The following ZDHHC15 variants were observed in gnomAD, a reference collection of about 807,000 sequenced individuals.
ZDHHC15 encodes the protein zDHHC palmitoyltransferase 15.
Under a neutral mutation model 31.7 loss-of-function variants are expected in ZDHHC15, and 19 were observed. The ratio of observed to expected loss-of-function variants is 0.60; its 90% confidence interval spans 0.42 to 0.88. The LOEUF is 0.88. Ranked by LOEUF, ZDHHC15 falls within the 40% of genes least tolerant of loss-of-function variation. ZDHHC15 has a pLI of 0.00. For synonymous variants in ZDHHC15, 103 were observed against 90.0 expected, an observed-to-expected ratio of 1.14 and a Z score of -0.82; for missense variants, 209 against 251.2, an observed-to-expected ratio of 0.83 and a Z score of 1.14.
chrX:75,516,476 G>A (rs1200299229), intron 1 of ZDHHC15, among the ~76,000 whole-genome samples: 1 of 112,437 alleles, frequency 8.9e-6, no homozygotes, highest in East Asian at 2.8e-4. Context: ...ACAAAAACAA[G>A]AAATGGGGAA....
chrX:75,388,094 G>T (rs2083199088), intron 10 of ZDHHC15, among the ~76,000 whole-genome samples: 1 of 112,264 alleles, frequency 8.9e-6, no homozygotes. Flanking sequence ...ATCCAGCAAA[G>T]TTATCCTTCA....
intron 10 of ZDHHC15, among the ~76,000 whole-genome samples, chrX:75,412,336 G>T (rs1356420110): frequency 2.7e-5 from 3 of 111,778 alleles, no homozygotes; most frequent in Non-Finnish European, 5.6e-5. Flanking sequence ...GTTTACCACA[G>T]AATTATTCAC....
intron 2 of ZDHHC15, among the ~76,000 whole-genome samples, chrX:75,482,065 T>C (rs2084696613): frequency 9.0e-6 from 1 of 111,393 alleles, no homozygotes; most frequent in South Asian, 3.8e-4. Context: ...AAGATCTCAT[T>C]CTTCATGACA....
At chrX:75,470,025 G>A (rs957041465) in intron 3 of ZDHHC15, among the ~76,000 whole-genome samples, 1 of 111,297 alleles carries the variant, frequency 9.0e-6, no homozygotes, top group African/African-American at 3.3e-5. Flanking sequence ...CTTTGTGATG[G>A]TTAATATTGA....
intron 4 of ZDHHC15, among the ~76,000 whole-genome samples, chrX:75,443,382 T>A (rs1232718362): frequency 8.9e-6 from 1 of 111,933 alleles, no homozygotes; most frequent in Non-Finnish European, 1.9e-5. Flanking sequence ...ATTCCCTATT[T>A]AACAAACGGT....
At chrX:75,477,985 C>A (rs1003324330) in intron 3 of ZDHHC15, among the ~76,000 whole-genome samples, 16 of 110,944 alleles carry the variant, frequency 1.4e-4, no homozygotes, top group African/African-American at 5.2e-4. Context: ...TTCTTGTGCA[C>A]CATTTTGGCT....
intron 3 of ZDHHC15, among the ~76,000 whole-genome samples, chrX:75,460,739 AAAC>A (rs773132561): frequency 5.4e-5 from 6 of 111,796 alleles, no homozygotes; most frequent in African/African-American, 2.0e-4. Context: ...AACAAACAGA[AAAC>A]AACAACATCA....
At chrX:75,495,553 T>C (rs1330799890) in intron 2 of ZDHHC15, among the ~76,000 whole-genome samples, 4 of 110,507 alleles carry the variant, frequency 3.6e-5, no homozygotes, top group African/African-American at 1.3e-4. Flanking sequence ...AATGATAGAC[T>C]GGATTAAGAA....
In ZDHHC15 at chrX:75,419,771, A is replaced by T. The variant is rs774579216; in HGVS notation, c.863+2093T>A. ...ACACCATGGAATACTATGCAGTCAT[A>T]AAAAATGATGAGTTCATGTCCTTTG... On this transcript the variant is annotated intron_variant, in intron 9 of 11. Transcript: ENST00000373367. Among the ~76,000 whole-genome samples, 31 of 109,183 alleles carry T rather than the reference A, an allele frequency of 2.8e-4. No individual in the cohort carries two copies. The East Asian group carries it at 8.3e-3, about 29-fold the overall frequency. 94.8% of individuals were successfully genotyped at this position (109,183 alleles called of 115,157 possible).
chrX:75,414,931 A>AT (rs375625108), intron 10 of ZDHHC15, among the ~76,000 whole-genome samples: 1,479 of 95,076 alleles, frequency 0.016, 23 homozygotes, highest in East Asian at 0.038. Flanking sequence ...ATACCTGGCT[A>AT]TTTTTTTTTT....
At chrX:75,504,828 T>A (rs1423631435) in intron 2 of ZDHHC15, among the ~76,000 whole-genome samples, 1 of 111,863 alleles carries the variant, frequency 8.9e-6, no homozygotes, top group Non-Finnish European at 1.9e-5. Flanking sequence ...TGCTCTAATT[T>A]TGTAATAATG....
intron 1 of ZDHHC15, among the ~76,000 whole-genome samples, chrX:75,509,079 C>T (rs779081098): frequency 9.0e-6 from 1 of 111,018 alleles, no homozygotes; most frequent in East Asian, 2.8e-4. Context: ...AGAATAAAAC[C>T]TAGGCAATAC....
intron 2 of ZDHHC15, among the ~76,000 whole-genome samples, chrX:75,500,460 T>A (rs935760693): frequency 9.1e-6 from 1 of 109,633 alleles, no homozygotes; most frequent in African/African-American, 3.3e-5. Context: ...CAACCAAGCC[T>A]ATATAAATAT....
intron 9 of ZDHHC15, among the ~76,000 whole-genome samples, chrX:75,420,929 T>C (rs1450743951): frequency 9.0e-6 from 1 of 110,803 alleles, no homozygotes; most frequent in African/African-American, 3.3e-5. Context: ...TCTGCACATG[T>C]ACCCCAGAAC....
At chrX:75,445,637 C>T (rs546409472) in intron 4 of ZDHHC15, among the ~76,000 whole-genome samples, 1 of 111,566 alleles carries the variant, frequency 9.0e-6, no homozygotes, top group African/African-American at 3.3e-5. Context: ...CTGAAAACCA[C>T]AGAATTCCAT....
chrX:75,501,801 T>C (rs1467628427), intron 2 of ZDHHC15: 2 of 111,684 alleles, frequency 1.8e-5, no homozygotes, highest in Non-Finnish European at 3.8e-5. Flanking sequence ...TTATTTGATG[T>C]TCTCTTATAA....
intron 2 of ZDHHC15, among the ~76,000 whole-genome samples, chrX:75,480,246 T>C (rs962312762): frequency 9.0e-6 from 1 of 111,384 alleles, no homozygotes; most frequent in Non-Finnish European, 1.9e-5. Context: ...TGAAATCTCA[T>C]TTTAAAATTC....
intron 7 of ZDHHC15, among the ~76,000 whole-genome samples, chrX:75,428,433 C>T (rs1378222062): frequency 6.3e-5 from 7 of 111,663 alleles, no homozygotes; most frequent in African/African-American, 2.3e-4. Flanking sequence ...ATTAGACTCA[C>T]ATTTTTAAAG....
chrX:75,458,411 A>C (rs1442575663), intron 3 of ZDHHC15, among the ~76,000 whole-genome samples: 1 of 111,832 alleles, frequency 8.9e-6, no homozygotes, highest in African/African-American at 3.2e-5. Flanking sequence ...ATGGGGAAAC[A>C]TTCATCAAAT....
Sources: allele counts gnomAD v4.1 joint callset (sites outside exome capture counted in the v4.1 genomes callset), GRCh38; gene constraint gnomAD v4.1.1; transcripts MANE v1.5; gene names NCBI Gene and HGNC (gene_info 2026-07-23, HGNC 2026-07-21).